EEA1: variants seen among roughly 807,000 people sequenced by gnomAD.
The protein encoded by EEA1 is early endosome antigen 1, 162kD.
Under a neutral mutation model 209.2 loss-of-function variants are expected in EEA1, and 111 were observed. That is an observed-to-expected ratio of 0.53 (90% CI 0.45 to 0.62). The LOEUF (loss-of-function observed/expected upper bound fraction) is 0.62, where lower values mean the gene tolerates loss of function less well. EEA1 is among the 20% of genes least tolerant of loss of function. EEA1 has a pLI of 0.00. For missense variants in EEA1, 1,343 were observed against 1,530.8 expected, an observed-to-expected ratio of 0.88 and a Z score of 2.05; for synonymous variants, 536 against 540.6, an observed-to-expected ratio of 0.99 and a Z score of 0.12.
At chr12:92,900,074 A>T (rs556015795) in intron 1 of EEA1, among the ~76,000 whole-genome samples, 27 of 152,128 alleles carry the variant, frequency 1.8e-4, no homozygotes, top group African/African-American at 5.3e-4. Flanking sequence ...CTTTTTTTTT[A>T]AAACCTACTA....
At chr12:92,851,484 T>C (rs774679216) in intron 8 of EEA1, among the ~76,000 whole-genome samples, 46 of 152,326 alleles carry the variant, frequency 3.0e-4, no homozygotes, top group Middle Eastern at 3.4e-3. Flanking sequence ...AGGTGCTGTA[T>C]AGTAAATTCA....
intron 20 of EEA1, 144 bp downstream of exon 20, chr12:92,801,456 G>A: frequency 1.6e-5 from 8 of 487,708 alleles, no homozygotes; most frequent in South Asian, 3.7e-5. Flanking sequence ...ATATCAGTAT[G>A]AAAATGCTTA....
intron 1 of EEA1, among the ~76,000 whole-genome samples, chr12:92,906,282 C>T (rs12299574): frequency 1.5e-3 from 232 of 151,666 alleles, no homozygotes; most frequent in African/African-American, 5.3e-3. Flanking sequence ...TTTATAGAGA[C>T]GGGGTTTTGC....
chr12:92,909,134 C>A (rs1345214368), intron 1 of EEA1, among the ~76,000 whole-genome samples: 3 of 152,132 alleles, frequency 2.0e-5, no homozygotes, highest in South Asian at 2.1e-4. Flanking sequence ...TAATTCTTAT[C>A]ATTCAAAAGC....
chr12:92,892,769 G>A (rs1447954861), intron 1 of EEA1, among the ~76,000 whole-genome samples: 1 of 152,062 alleles, frequency 6.6e-6, no homozygotes, highest in East Asian at 1.9e-4. Context: ...GGGACTACAG[G>A]CACATGCCAC....
intron 1 of EEA1, among the ~76,000 whole-genome samples, chr12:92,908,757 T>C (rs1395873134): frequency 6.6e-6 from 1 of 152,294 alleles, no homozygotes; most frequent in East Asian, 1.9e-4. Context: ...GAAAAAATGA[T>C]ATAAATACAG....
intron 2 of EEA1, among the ~76,000 whole-genome samples, chr12:92,868,648 A>C (rs747716536): frequency 5.3e-5 from 8 of 152,258 alleles, no homozygotes; most frequent in Non-Finnish European, 7.3e-5. Context: ...AGAAATCAGT[A>C]ACATACATTT....
intron 21 of EEA1, among the ~76,000 whole-genome samples, chr12:92,790,481 C>T (rs1209952022): frequency 6.6e-6 from 1 of 152,088 alleles, no homozygotes; most frequent in South Asian, 2.1e-4. Flanking sequence ...AACTTCATGA[C>T]ACATGCACAA....
chr12:92,833,222 T>C (rs527951574), intron 10 of EEA1, among the ~76,000 whole-genome samples: 25 of 152,330 alleles, frequency 1.6e-4, no homozygotes, highest in Non-Finnish European at 2.9e-4. Context: ...ATGCAAACTT[T>C]GATTTTTCAC....
At chr12:92,866,954 G>A (rs930130950) in intron 2 of EEA1, among the ~76,000 whole-genome samples, 1 of 152,080 alleles carries the variant, frequency 6.6e-6, no homozygotes, top group South Asian at 2.1e-4. Context: ...CATTGCAGCT[G>A]CTCGTGTTCG....
At chr12:92,898,723 TTTTTTCCC>T (rs1175922054) in intron 1 of EEA1, among the ~76,000 whole-genome samples, 107 of 141,838 alleles carry the variant, frequency 7.5e-4, no homozygotes, top group African/African-American at 2.2e-3. Flanking sequence ...TTTTTTTCCT[TTTTTTCCC>T]TTTTTTTTTT....
At chr12:92,835,668 A>G (rs1301947911) in intron 10 of EEA1, among the ~76,000 whole-genome samples, 3 of 151,034 alleles carry the variant, frequency 2.0e-5, no homozygotes, top group Non-Finnish European at 3.0e-5. Flanking sequence ...GCCTTGGCCT[A>G]CCAAAGTGCT....
intron 13 of EEA1, 71 bp from the exon 14 acceptor site, chr12:92,819,582 C>A: frequency 9.2e-7 from 1 of 1,091,384 alleles, no homozygotes; most frequent in Non-Finnish European, 1.3e-6. Flanking sequence ...CATAAAATGA[C>A]TAATAATAAA....
chr12:92,924,401 G>A (rs921546919), intron 1 of EEA1, among the ~76,000 whole-genome samples: 1 of 151,834 alleles, frequency 6.6e-6, no homozygotes, highest in Non-Finnish European at 1.5e-5. Flanking sequence ...TAGAGACGGG[G>A]TTTCACTATG....
Position 92,819,489 on chromosome 12 carries a change from C to T in EEA1, c.1547G>A (p.Arg516His), listed in dbSNP as rs189472964. ...EAQNDLEQVL[R>H]QIGDKDQKIQ... ...CTTTTGGTCCTTATCGCCAATTTGA[C>T]GTAGAACTTGTTCCAAATCATTCTG... The change falls in exon 14 of 29, where the codon CGT (arginine) becomes CAT (histidine). Residue 516 changes from arginine (R) to histidine (H), a missense_variant. Around this residue, in one of 3 missense-constraint regions of EEA1, gnomAD observed 1,307 missense variants for 1,465.5 expected, o/e 0.89. Coordinates refer to ENST00000322349, the MANE Select transcript of EEA1 (RefSeq NM_003566.4). 4 of 1,603,434 alleles carry T rather than the reference C, an allele frequency of 2.5e-6. No individual in the cohort carries two copies. Among genetic ancestry groups the T allele is most frequent in the East Asian group, 2.2e-5 (1 of 44,632 alleles).
intron 10 of EEA1, among the ~76,000 whole-genome samples, 179 bp downstream of exon 10, chr12:92,842,286 C>A (rs563643653): frequency 6.6e-6 from 1 of 151,504 alleles, no homozygotes; most frequent in African/African-American, 2.4e-5. Flanking sequence ...AGAATTTCAA[C>A]TTTGCACAAT....
intron 2 of EEA1, among the ~76,000 whole-genome samples, chr12:92,882,505 T>C (rs975875760): frequency 2.7e-5 from 4 of 150,502 alleles, no homozygotes; most frequent in Non-Finnish European, 5.9e-5. Flanking sequence ...GGGGTACAAA[T>C]GATCTTGTCA....
intron 1 of EEA1, among the ~76,000 whole-genome samples, chr12:92,915,329 G>A (rs61935334): frequency 0.26 from 39,170 of 151,980 alleles, 5,550 homozygotes; most frequent in Non-Finnish European, 0.32. Context: ...GTAGCCAGGT[G>A]TGCTGGTGTG....
intron 21 of EEA1, among the ~76,000 whole-genome samples, chr12:92,796,294 T>C (rs1874650164): frequency 6.6e-6 from 1 of 152,152 alleles, no homozygotes; most frequent in Non-Finnish European, 1.5e-5. Flanking sequence ...TGATTCTAGA[T>C]CAGTAACTCC....
Sources: allele counts gnomAD v4.1 joint callset (sites outside exome capture counted in the v4.1 genomes callset), GRCh38; gene constraint gnomAD v4.1.1; regional missense constraint gnomAD v4.1.1; transcripts MANE v1.5; gene names NCBI Gene and HGNC (gene_info 2026-07-23, HGNC 2026-07-21).